The following CYFIP2 variants were observed in gnomAD, a reference collection of about 807,000 sequenced individuals.
CYFIP2 encodes cytoplasmic FMR1 interacting protein 2.
A neutral mutation model predicts 158.7 loss-of-function variants in CYFIP2; 29 were observed. That is an observed-to-expected ratio of 0.18 (90% CI 0.14 to 0.25). CYFIP2 has a LOEUF of 0.25. Among genes scored for constraint, CYFIP2 ranks in the 10% least tolerant of loss-of-function variants. The pLI is 1.00. For missense variants in CYFIP2, 852 were observed against 1,639.5 expected (o/e 0.52, Z 8.29); for synonymous variants, 585 against 617.6 (o/e 0.95, Z 0.78).
In CYFIP2 at chr5:157,307,885, G is replaced by T. The variant is rs767536939; in HGVS notation, c.900+20G>T. 3 of 1,428,552 alleles carry T rather than the reference G, an allele frequency of 2.1e-6. No homozygotes were observed. Among genetic ancestry groups the T allele is most frequent in the Non-Finnish European group, 2.9e-6 (3 of 1,025,138 alleles). The allele number at this position is 1,428,552 out of a possible 1,614,324, so 88.5% of individuals were successfully genotyped here. A position where few individuals can be genotyped will look rare whatever the true frequency, so the allele number is the denominator to read the frequency against. On this transcript the variant is annotated intron_variant, in intron 9 of 30. Coordinates refer to ENST00000620254, the MANE Select transcript of CYFIP2 (RefSeq NM_001037333.3). Reference sequence around the variant, plus strand: ...TTTAAGGTCAGCAACTGGGGCTGGGGCTGGGCAGAGGGCTGAGGTTACCAG... The same window carrying T: ...TTTAAGGTCAGCAACTGGGGCTGGGTCTGGGCAGAGGGCTGAGGTTACCAG...
chr5:157,286,607 A>G (rs7728460), intron 2 of CYFIP2, among the ~76,000 whole-genome samples: 34,869 of 149,690 alleles, frequency 0.23, 4,686 homozygotes, highest in African/African-American at 0.36. Flanking sequence ...ATGGATATGT[A>G]GGTTGTTTAC....
intron 3 of CYFIP2, chr5:157,288,534 A>G (rs1757573750): frequency 6.7e-6 from 3 of 451,044 alleles, no homozygotes; most frequent in East Asian, 7.0e-5. Context: ...AAGGGCAGAT[A>G]GGGGCCAGTC....
chr5:157,281,612 T>C (rs956663080), intron 1 of CYFIP2, among the ~76,000 whole-genome samples: 1 of 152,232 alleles, frequency 6.6e-6, no homozygotes, highest in Non-Finnish European at 1.5e-5. Flanking sequence ...CTTGGAATAA[T>C]AGTCCCTTTC....
chr5:157,285,523 G>A, intron 2 of CYFIP2, 45 bp downstream of exon 2: 1 of 1,519,190 alleles, frequency 6.6e-7, no homozygotes, highest in Non-Finnish European at 8.9e-7. Flanking sequence ...GGAATTCTGG[G>A]GATCCCCTAA....
At chr5:157,343,626 A>T (rs1375276785) in intron 23 of CYFIP2, 2 of 1,109,226 alleles carry the variant, frequency 1.8e-6, no homozygotes, top group Non-Finnish European at 2.5e-6. Flanking sequence ...TTTATTGCAC[A>T]TTTGAGACGG....
At chr5:157,313,986 T>G (rs1328157401) in intron 11 of CYFIP2, among the ~76,000 whole-genome samples, 1 of 152,126 alleles carries the variant, frequency 6.6e-6, no homozygotes, top group Non-Finnish European at 1.5e-5. Flanking sequence ...TCCCAGCACT[T>G]TGGGAGGTTG....
At chr5:157,329,140 C>T (rs1286250405) in intron 19 of CYFIP2, among the ~76,000 whole-genome samples, 1 of 152,210 alleles carries the variant, frequency 6.6e-6, no homozygotes, top group Non-Finnish European at 1.5e-5. Context: ...TCTGTTAACA[C>T]AGGATGTGCA....
intron 26 of CYFIP2, among the ~76,000 whole-genome samples, chr5:157,373,495 T>C (rs1467925413): frequency 1.3e-5 from 2 of 152,146 alleles, no homozygotes; most frequent in African/African-American, 2.4e-5. Flanking sequence ...CCCACTAAAA[T>C]GGGGTTGCCG....
chr5:157,369,395 A>G (rs2591459), intron 26 of CYFIP2, among the ~76,000 whole-genome samples: 89,015 of 151,944 alleles, frequency 0.59, 26,480 homozygotes, highest in African/African-American at 0.64. Context: ...AGGAGACAGA[A>G]GTAATAGGAA....
In CYFIP2 at chr5:157,365,540, C is replaced by G. The variant is rs375521900; in HGVS notation, c.3039+3942C>G. 11 of 152,084 alleles carry G rather than the reference C, an allele frequency of 7.2e-5. 1 individual carries two copies. The highest frequency in any genetic ancestry group is 6.6e-4 in the Admixed American group (10 of 15,250). 9.4% of individuals were successfully genotyped at this position (152,084 alleles called of 1,614,324 possible). A position where few individuals can be genotyped will look rare whatever the true frequency, so the allele number is the denominator to read the frequency against. ...TGGTTTTTGGTTTTTATAGGGTGTT[C>G]TGGTGGTTTCAATTAATGTATTACA... On this transcript the variant is annotated intron_variant, in intron 26 of 30. Transcript: ENST00000620254.
chr5:157,325,286 A>C (rs974863951), intron 16 of CYFIP2, among the ~76,000 whole-genome samples, 196 bp from the exon 17 acceptor site: 4 of 152,246 alleles, frequency 2.6e-5, no homozygotes, highest in Non-Finnish European at 5.9e-5. Flanking sequence ...ACTGCCTCTC[A>C]AGCTTAACAA....
At chr5:157,302,661 TG>T in intron 6 of CYFIP2, 132 bp from the exon 7 acceptor site, 1 of 645,466 alleles carries the variant, frequency 1.5e-6, no homozygotes, top group Non-Finnish European at 2.7e-6. Context: ...TAGTGTTGCC[TG>T]GGATATTCAG....
intron 13 of CYFIP2, among the ~76,000 whole-genome samples, chr5:157,316,889 T>C (rs1389016910): frequency 6.6e-6 from 1 of 152,170 alleles, no homozygotes; most frequent in Non-Finnish European, 1.5e-5. Context: ...TGAGGCTCGG[T>C]GGCATAATTT....
intron 26 of CYFIP2, among the ~76,000 whole-genome samples, chr5:157,381,660 T>A (rs1766108283): frequency 1.3e-5 from 2 of 152,200 alleles, no homozygotes; most frequent in Admixed American, 1.3e-4. Flanking sequence ...TTTCTAGGAC[T>A]GATCTGCAGT....
Position 157,266,794 on chromosome 5 carries a change from A to G in CYFIP2, c.-24+599A>G, listed in dbSNP as rs2113793147. 2.0e-5 allele frequency: 3 copies of G among 152,682 alleles called. No homozygotes were observed. The highest frequency in any genetic ancestry group is 1.3e-4 in the Admixed American group (2 of 15,302). The allele number at this position is 152,682 out of a possible 1,614,324, so 9.5% of individuals were successfully genotyped here. On this transcript the variant is annotated intron_variant, in intron 1 of 30. Transcript: ENST00000620254. The surrounding 1 kb of genome is among the most constrained non-coding windows in gnomAD (Gnocchi z 4.2). ...GACCCGCTTGGAAGCTTTCTGGCCT[A>G]CACTAGCATCGCTCACCAAGCTGGC...
chr5:157,379,265 T>TC (rs1765797869), intron 26 of CYFIP2, among the ~76,000 whole-genome samples: 1 of 151,972 alleles, frequency 6.6e-6, no homozygotes, highest in African/African-American at 2.4e-5. Context: ...GATAATATAC[T>TC]TACATCTCTA....
intron 23 of CYFIP2, among the ~76,000 whole-genome samples, chr5:157,351,867 C>A (rs1763094926): frequency 6.6e-6 from 1 of 152,160 alleles, no homozygotes; most frequent in African/African-American, 2.4e-5. Flanking sequence ...AACATCTAAC[C>A]ACCTGATGTG....
intron 23 of CYFIP2, chr5:157,343,092 C>A: frequency 6.2e-7 from 1 of 1,614,196 alleles, no homozygotes. Context: ...ATGTGGCCAG[C>A]CCTGTAAGAC....
At chr5:157,317,239 T>G (rs1237705221) in intron 13 of CYFIP2, among the ~76,000 whole-genome samples, 2 of 151,998 alleles carry the variant, frequency 1.3e-5, no homozygotes, top group Non-Finnish European at 2.9e-5. Context: ...TGCTATACAT[T>G]GGGAGGTTTT....
Sources: gnomAD v4.1 joint callset for allele counts (sites outside exome capture counted in the v4.1 genomes callset) on GRCh38, gnomAD v4.1.1 for gene constraint, Gnocchi (gnomAD v3.1) non-coding constraint, MANE v1.5 for transcripts, NCBI Gene and HGNC (gene_info 2026-07-23, HGNC 2026-07-21) for gene names.